Variants in PHF20 observed in about 807,000 individuals in gnomAD.
PHF20 encodes the protein glioma-expressed antigen 2.
PHF20 carries 23 observed loss-of-function variants against 113.5 expected under a neutral mutation model. That is an observed-to-expected ratio of 0.20 (90% CI 0.15 to 0.29). PHF20 has a LOEUF of 0.29. Ranked by LOEUF, PHF20 falls within the 10% of genes least tolerant of loss-of-function variation. PHF20 has a pLI of 1.00. For synonymous variants in PHF20, 434 were observed against 457.3 expected (o/e 0.95, Z 0.65); for missense variants, 943 against 1,219.6 (o/e 0.77, Z 3.38).
chr20:35,815,004 T>C (rs891323559), intron 2 of PHF20, among the ~76,000 whole-genome samples: 3 of 151,570 alleles, frequency 2.0e-5, no homozygotes, highest in Non-Finnish European at 4.4e-5. Flanking sequence ...GAGACCAAAC[T>C]GGCCAACATG....
At chr20:35,899,926 A>AT (rs774267915) in intron 10 of PHF20, among the ~76,000 whole-genome samples, 2 of 152,216 alleles carry the variant, frequency 1.3e-5, no homozygotes, top group Non-Finnish European at 2.9e-5. Context: ...AAGGGACCTT[A>AT]TTCAGAAGCC....
chr20:35,899,545 A>G lies in PHF20; in HGVS notation c.1458A>G (p.Glu486=), dbSNP rs1441010481. The G allele has an allele frequency of 6.2e-7, 1 of 1,614,208 alleles. No individual in the cohort carries two copies. ...FHGMEKSLEP[E]ESPGKRHVQT... ...GAATGGAGAAGTCACTGGAGCCAGA[A>G]GAGAGCCCGGGAAAGAGGCATGTCC... The change falls in exon 10 of 18, where the codon GAA becomes GAG. Residue 486 remains glutamate, a synonymous_variant. Transcript: ENST00000374012.
At chr20:35,883,335 T>C (rs542742389) in intron 9 of PHF20, among the ~76,000 whole-genome samples, 3 of 152,342 alleles carry the variant, frequency 2.0e-5, no homozygotes, top group Non-Finnish European at 4.4e-5. Flanking sequence ...TCCCTATTAA[T>C]TCTCCCTGTT....
chr20:35,877,320 C>T (rs1050099395), intron 9 of PHF20, among the ~76,000 whole-genome samples: 2 of 67,530 alleles, frequency 3.0e-5, no homozygotes, highest in African/African-American at 1.1e-4. Flanking sequence ...GACTCCATCT[C>T]AAAAAAAAAA....
At chr20:35,889,966 T>C (rs2054817652) in intron 9 of PHF20, among the ~76,000 whole-genome samples, 2 of 152,126 alleles carry the variant, frequency 1.3e-5, no homozygotes, top group African/African-American at 4.8e-5. Context: ...TGACCTCAAG[T>C]GATCCACCCA....
At chr20:35,790,142 C>T (rs987729048) in intron 1 of PHF20, among the ~76,000 whole-genome samples, 4 of 151,936 alleles carry the variant, frequency 2.6e-5, no homozygotes, top group African/African-American at 9.7e-5. Flanking sequence ...CATGCATGAG[C>T]CACCATGCCC....
intron 15 of PHF20, among the ~76,000 whole-genome samples, chr20:35,935,802 A>G (rs890648294): frequency 1.1e-4 from 17 of 152,354 alleles, no homozygotes; most frequent in African/African-American, 3.8e-4. Context: ...AAATGGAGAA[A>G]AGATCCTGGG....
chr20:35,795,314 C>T (rs936722670), intron 1 of PHF20, among the ~76,000 whole-genome samples: 1 of 151,870 alleles, frequency 6.6e-6, no homozygotes, highest in African/African-American at 2.4e-5. Flanking sequence ...TGGCTTACTG[C>T]AACCTTCATC....
At chr20:35,789,707 T>C (rs113829178) in intron 1 of PHF20, among the ~76,000 whole-genome samples, 7,245 of 134,092 alleles carry the variant, frequency 0.054, 214 homozygotes, top group African/African-American at 0.1. Flanking sequence ...CCACCATGCC[T>C]GGCTAATTTT....
chr20:35,834,675 A>C (rs2042409845), intron 2 of PHF20, among the ~76,000 whole-genome samples: 1 of 152,012 alleles, frequency 6.6e-6, no homozygotes, highest in African/African-American at 2.4e-5. Flanking sequence ...TTGCCACCCT[A>C]GGGGCTCTGA....
At chr20:35,904,564 T>G (rs1174669621) in intron 10 of PHF20, among the ~76,000 whole-genome samples, 1 of 152,066 alleles carries the variant, frequency 6.6e-6, no homozygotes, top group Non-Finnish European at 1.5e-5. Flanking sequence ...TGATGGAGAT[T>G]CCTGGGGCTT....
intron 3 of PHF20, 94 bp downstream of exon 3, chr20:35,842,838 A>G (rs533269700): frequency 2.8e-6 from 3 of 1,071,980 alleles, no homozygotes; most frequent in Non-Finnish European, 4.1e-6. Context: ...GCTGGAGACC[A>G]GTTCTTATTT....
At chr20:35,787,662 T>A (rs867084868) in intron 1 of PHF20, among the ~76,000 whole-genome samples, 1 of 150,578 alleles carries the variant, frequency 6.6e-6, no homozygotes, top group Middle Eastern at 3.4e-3. Context: ...TAATTTTGTA[T>A]TTTTAGTCTA....
intron 6 of PHF20, among the ~76,000 whole-genome samples, chr20:35,868,577 G>A (rs1281107011): frequency 6.6e-6 from 1 of 152,150 alleles, no homozygotes; most frequent in Non-Finnish European, 1.5e-5. Context: ...CTGCACTCTA[G>A]CCTGGGCAAC....
intron 2 of PHF20, among the ~76,000 whole-genome samples, chr20:35,821,112 A>G (rs1380469429): frequency 5.9e-5 from 9 of 152,086 alleles, no homozygotes; most frequent in Non-Finnish European, 1.0e-4. Flanking sequence ...AGTCATTGAA[A>G]GGTCTTAAAC....
At chr20:35,882,183 A>T (rs2054647588) in intron 9 of PHF20, among the ~76,000 whole-genome samples, 1 of 152,250 alleles carries the variant, frequency 6.6e-6, no homozygotes, top group Non-Finnish European at 1.5e-5. Flanking sequence ...ACTTAAGAGC[A>T]AGCTGGTTTG....
At chr20:35,909,075 TAG>T (rs2055250390) in intron 10 of PHF20, among the ~76,000 whole-genome samples, 1 of 151,910 alleles carries the variant, frequency 6.6e-6, no homozygotes, top group African/African-American at 2.4e-5. Context: ...TGAATAGGAG[TAG>T]AGAGAGAGGC....
chr20:35,889,624 G>T (rs1354499370), intron 9 of PHF20, among the ~76,000 whole-genome samples: 1 of 151,414 alleles, frequency 6.6e-6, no homozygotes, highest in Non-Finnish European at 1.5e-5. Flanking sequence ...CAGCCTCCTA[G>T]AGTGCTGAGA....
intron 1 of PHF20, chr20:35,800,166 A>G (rs1199251712): frequency 6.6e-6 from 1 of 152,240 alleles, no homozygotes; most frequent in Non-Finnish European, 1.5e-5. Context: ...CAATTAAAGG[A>G]ATTAAACGTG....
Sources: allele counts gnomAD v4.1 joint callset (sites outside exome capture counted in the v4.1 genomes callset), GRCh38; gene constraint gnomAD v4.1.1; transcripts MANE v1.5; gene names NCBI Gene and HGNC (gene_info 2026-07-23, HGNC 2026-07-21).